MARCHF1: variants seen among roughly 807,000 people sequenced by gnomAD.
MARCHF1 encodes E3 ubiquitin-protein ligase MARCHF1.
In MARCHF1, 40 loss-of-function variants were observed where a neutral mutation model predicts 54.2. The observed-to-expected ratio is 0.74, with a 90% CI of 0.57 to 0.96. MARCHF1 has a LOEUF of 0.96. Among genes scored for constraint, MARCHF1 ranks in the 40% least tolerant of loss-of-function variants. MARCHF1 has a pLI of 0.00. For synonymous variants in MARCHF1, 236 were observed against 236.3 expected (o/e 1.00, Z 0.01); for missense variants, 586 against 656.5 (o/e 0.89, Z 1.17).
At chr4:164,018,197 A>AATAT (rs1224836838) in intron 2 of MARCHF1, among the ~76,000 whole-genome samples, 2 of 152,020 alleles carry the variant, frequency 1.3e-5, no homozygotes, top group African/African-American at 4.8e-5. Flanking sequence ...CAAGACTATA[A>AATAT]AACTTCTAAA....
intron 2 of MARCHF1, among the ~76,000 whole-genome samples, chr4:164,034,545 A>G (rs79357455): frequency 0.024 from 3,701 of 152,248 alleles, 141 homozygotes; most frequent in African/African-American, 0.08. Context: ...TATGATTCCA[A>G]ATTTTGATTA....
intron 2 of MARCHF1, among the ~76,000 whole-genome samples, chr4:164,025,101 C>T (rs574541441): frequency 1.3e-5 from 2 of 150,584 alleles, no homozygotes; most frequent in Non-Finnish European, 3.0e-5. Flanking sequence ...AAAAGACAAG[C>T]TCTTCTTGAC....
At chr4:163,598,082 C>T (rs925887721) in intron 7 of MARCHF1, among the ~76,000 whole-genome samples, 2 of 152,154 alleles carry the variant, frequency 1.3e-5, no homozygotes, top group African/African-American at 2.4e-5. Context: ...TACATCTATA[C>T]TCTATGCAAG....
At chr4:163,777,729 C>T (rs1747345035) in intron 4 of MARCHF1, among the ~76,000 whole-genome samples, 1 of 152,002 alleles carries the variant, frequency 6.6e-6, no homozygotes, top group African/African-American at 2.4e-5. Context: ...TTAATGTTTA[C>T]CTCCTTCATA....
intron 5 of MARCHF1, among the ~76,000 whole-genome samples, chr4:163,639,191 A>G (rs574049462): frequency 6.6e-6 from 1 of 152,310 alleles, no homozygotes; most frequent in African/African-American, 2.4e-5. Context: ...ATTTAACCAC[A>G]AATGGGACAC....
chr4:163,794,146 C>T (rs1188027991), intron 4 of MARCHF1, among the ~76,000 whole-genome samples: 1 of 152,158 alleles, frequency 6.6e-6, no homozygotes, highest in Non-Finnish European at 1.5e-5. Flanking sequence ...ACTAATAAAT[C>T]AACTGAGTAG....
chr4:163,992,821 T>A lies in MARCHF1; in HGVS notation c.-247-4112A>T, dbSNP rs553855620. 2.7e-5 allele frequency among the ~76,000 whole-genome samples: 4 copies of A among 150,712 alleles called. No individual in the cohort carries two copies. In the South Asian group the frequency reaches 8.3e-4, roughly 31 times the overall value. On this transcript the variant is annotated intron_variant, in intron 2 of 9. Transcript: ENST00000514618. ...TATATTTATAAAATTATAAATGCAT[T>A]GATACAAGACAGAGAAGTAATAAAG...
chr4:163,676,888 A>T (rs1342574095), intron 5 of MARCHF1, among the ~76,000 whole-genome samples: 3 of 152,124 alleles, frequency 2.0e-5, no homozygotes, highest in African/African-American at 7.2e-5. Context: ...AGATTGGATT[A>T]AAAAAGATTT....
At chr4:164,184,001 C>G (rs148711179) in intron 1 of MARCHF1, among the ~76,000 whole-genome samples, 31 of 152,282 alleles carry the variant, frequency 2.0e-4, no homozygotes, top group African/African-American at 6.5e-4. Flanking sequence ...CGCTTTAGAA[C>G]ATTCCAGCCT....
intron 4 of MARCHF1, among the ~76,000 whole-genome samples, chr4:163,703,990 G>C (rs1025080752): frequency 6.6e-6 from 1 of 151,760 alleles, no homozygotes; most frequent in Admixed American, 6.6e-5. Flanking sequence ...CCTTTAAAAC[G>C]AAGTGGTCTG....
intron 3 of MARCHF1, among the ~76,000 whole-genome samples, chr4:163,908,951 A>G (rs1751130540): frequency 6.6e-6 from 1 of 152,148 alleles, no homozygotes. Flanking sequence ...TTCTCAGAAT[A>G]TAGGACTTTC....
intron 2 of MARCHF1, among the ~76,000 whole-genome samples, chr4:164,076,235 G>T (rs1333243495): frequency 1.3e-5 from 2 of 151,564 alleles, no homozygotes; most frequent in Non-Finnish European, 1.5e-5. Flanking sequence ...AAGGAACAAT[G>T]AACAAAAAAT....
In MARCHF1 at chr4:163,991,957, C is replaced by T. The variant is rs1752974385; in HGVS notation, c.-247-3248G>A. Among the ~76,000 whole-genome samples the T allele has an allele frequency of 3.4e-5, 5 of 147,994 alleles. No homozygotes were observed. In the South Asian group the frequency reaches 1.1e-3, roughly 32 times the overall value. ...TCCCCCAAGAGATTCTGATTTGGTG[C>T]TGTTCCTTATTCTCAGTGGCCTAGG... On this transcript the variant is annotated intron_variant, in intron 2 of 9. Coordinates refer to ENST00000514618, the MANE Select transcript of MARCHF1 (RefSeq NM_001394959.1).
intron 8 of MARCHF1, among the ~76,000 whole-genome samples, chr4:163,553,623 A>G (rs113272080): frequency 2.7e-4 from 41 of 152,348 alleles, no homozygotes; most frequent in African/African-American, 9.4e-4. Context: ...AAATATCATT[A>G]TAGGTTTTAA....
intron 2 of MARCHF1, among the ~76,000 whole-genome samples, chr4:164,057,731 T>C (rs1050055565): frequency 1.3e-5 from 2 of 152,196 alleles, no homozygotes; most frequent in African/African-American, 4.8e-5. Flanking sequence ...TTCTCTGAAC[T>C]GTCAACAGCC....
At position 163,801,715 on chromosome 4, in the gene MARCHF1, C is replaced by T. The variant is rs139624884; in HGVS notation, c.111+52306G>A. The stretch of plus-strand genomic sequence containing the variant: ...TCCTAAGAGGTAACTACTAGTGAGA[C>T]TTCCATCACCTTCCGTTAATTTTGC... On this transcript the variant is annotated intron_variant, in intron 4 of 9. Transcript: ENST00000514618. Among the ~76,000 whole-genome samples, 1,004 of 152,170 alleles carry T rather than the reference C, an allele frequency of 6.6e-3. 11 individuals carry two copies. Among genetic ancestry groups the T allele is most frequent in the African/African-American group, 0.023 (952 of 41,512 alleles).
At chr4:164,091,805 G>A (rs1755307849) in intron 2 of MARCHF1, among the ~76,000 whole-genome samples, 1 of 151,604 alleles carries the variant, frequency 6.6e-6, no homozygotes, top group Non-Finnish European at 1.5e-5. Flanking sequence ...TTTGACTAAA[G>A]GAAATATCTA....
chr4:163,625,476 T>C (rs764347461), intron 5 of MARCHF1, among the ~76,000 whole-genome samples: 13 of 152,142 alleles, frequency 8.5e-5, no homozygotes, highest in Non-Finnish European at 1.8e-4. Flanking sequence ...TTGAATGGAG[T>C]GTGGTAATAG....
intron 8 of MARCHF1, among the ~76,000 whole-genome samples, chr4:163,551,326 GAACTA>G (rs1421716325): frequency 3.9e-5 from 6 of 152,162 alleles, no homozygotes; most frequent in African/African-American, 9.7e-5. Context: ...CTCTGGGAGA[GAACTA>G]AACAACAGAC....
Sources: allele counts gnomAD v4.1 joint callset (sites outside exome capture counted in the v4.1 genomes callset), GRCh38; gene constraint gnomAD v4.1.1; transcripts MANE v1.5; gene names NCBI Gene and HGNC (gene_info 2026-07-23, HGNC 2026-07-21).